The following ADGRG2 variants were observed in gnomAD, a reference collection of about 807,000 sequenced individuals.
ADGRG2 encodes adhesion G protein-coupled receptor G2.
A neutral mutation model predicts 74.1 loss-of-function variants in ADGRG2; 26 were observed. That is an observed-to-expected ratio of 0.35 (90% CI 0.26 to 0.49). ADGRG2 has a LOEUF of 0.49. ADGRG2 is among the 20% of genes least tolerant of loss of function. The pLI, the probability that ADGRG2 is intolerant of heterozygous loss-of-function variation, is 0.99. For synonymous variants in ADGRG2, 296 were observed against 295.2 expected (o/e 1.00, Z -0.03); for missense variants, 619 against 763.1 (o/e 0.81, Z 2.22).
chrX:19,025,375 C>T (rs1014610027), intron 11 of ADGRG2, among the ~76,000 whole-genome samples: 1 of 110,768 alleles, frequency 9.0e-6, no homozygotes, highest in Non-Finnish European at 1.9e-5. Context: ...TTGAAAGCTC[C>T]CAGGTGATTT....
At chrX:19,113,362 A>C (rs766190211) in intron 1 of ADGRG2, among the ~76,000 whole-genome samples, 4 of 111,277 alleles carry the variant, frequency 3.6e-5, no homozygotes, top group African/African-American at 1.3e-4. Flanking sequence ...TATCTCAATC[A>C]ATCAATCAAT....
intron 26 of ADGRG2, among the ~76,000 whole-genome samples, chrX:18,998,118 C>G (rs540251673): frequency 5.4e-5 from 6 of 112,123 alleles, no homozygotes; most frequent in Admixed American, 3.8e-4. Context: ...ACACACAGAG[C>G]CTGCTCTCTT....
At chrX:19,100,379 A>G in intron 1 of ADGRG2, among the ~76,000 whole-genome samples, 1 of 113,505 alleles carries the variant, frequency 8.8e-6, no homozygotes, top group Non-Finnish European at 1.9e-5. Flanking sequence ...TGCTGTTGCA[A>G]TGCAAAAGCA....
chrX:19,098,773 G>A (rs778762697), intron 1 of ADGRG2, among the ~76,000 whole-genome samples: 3 of 112,143 alleles, frequency 2.7e-5, no homozygotes, highest in South Asian at 3.7e-4. Flanking sequence ...CAGGGAGTGA[G>A]CCAGAAGGCA....
At chrX:19,105,032 G>A (rs1260941228) in intron 1 of ADGRG2, among the ~76,000 whole-genome samples, 2 of 106,028 alleles carry the variant, frequency 1.9e-5, no homozygotes, top group African/African-American at 6.9e-5. Context: ...CCAGGAGTTC[G>A]AGACCAGCCT....
chrX:19,009,309 T>C (rs1284439942), intron 18 of ADGRG2, among the ~76,000 whole-genome samples: 1 of 109,822 alleles, frequency 9.1e-6, no homozygotes, highest in African/African-American at 3.3e-5. Flanking sequence ...TCCTGAGTAG[T>C]TGGGATTACA....
intron 1 of ADGRG2, among the ~76,000 whole-genome samples, chrX:19,099,600 T>G (rs1474200290): frequency 8.9e-6 from 1 of 112,401 alleles, no homozygotes; most frequent in African/African-American, 3.2e-5. Flanking sequence ...GAACTTGGGC[T>G]GCTGAGCTTC....
At chrX:19,045,652 C>T (rs1343432690) in intron 3 of ADGRG2, among the ~76,000 whole-genome samples, 5 of 110,070 alleles carry the variant, frequency 4.5e-5, no homozygotes, top group Non-Finnish European at 7.6e-5. Context: ...TCTCATCTGT[C>T]CCTTCTCCCC....
At chrX:19,120,336 G>A (rs187345656) in intron 1 of ADGRG2, among the ~76,000 whole-genome samples, 3 of 112,070 alleles carry the variant, frequency 2.7e-5, no homozygotes, top group Non-Finnish European at 3.8e-5. Flanking sequence ...CCAATCCTTT[G>A]AAAATAACAC....
intron 1 of ADGRG2, among the ~76,000 whole-genome samples, chrX:19,090,697 CTGAA>C (rs765332002): frequency 1.1e-5 from 1 of 94,430 alleles, no homozygotes; most frequent in South Asian, 5.0e-4. Context: ...TTTTTTTCTC[CTGAA>C]TGATGTATTT....
chrX:19,001,298 T>G (rs2060128276), intron 24 of ADGRG2, among the ~76,000 whole-genome samples: 1 of 110,183 alleles, frequency 9.1e-6, no homozygotes, highest in Non-Finnish European at 1.9e-5. Flanking sequence ...GAAAGAATCC[T>G]ATTCACCACT....
chrX:19,075,636 AAAAG>A (rs1340497830), intron 2 of ADGRG2, among the ~76,000 whole-genome samples: 2 of 107,157 alleles, frequency 1.9e-5, no homozygotes, highest in Admixed American at 1.0e-4. Flanking sequence ...AAAAAAAAAA[AAAAG>A]AAAGAAAGAA....
At chrX:19,012,630 CAA>C (rs71924946) in intron 16 of ADGRG2, among the ~76,000 whole-genome samples, 4 of 33,070 alleles carry the variant, frequency 1.2e-4, no homozygotes, top group South Asian at 1.3e-3. Flanking sequence ...CCAAAGCTAC[CAA>C]AAAAAAAAAA....
At chrX:19,032,209 G>A (rs1325103140) in intron 8 of ADGRG2, 1 of 111,664 alleles carries the variant, frequency 9.0e-6, no homozygotes, top group Non-Finnish European at 1.9e-5. Context: ...CTATAGCTAT[G>A]AGTTTTGATT....
intron 3 of ADGRG2, among the ~76,000 whole-genome samples, chrX:19,053,679 C>T (rs1287816838): frequency 1.8e-5 from 2 of 112,295 alleles, no homozygotes; most frequent in Admixed American, 1.9e-4. Context: ...GAAGAATACA[C>T]AGTAAATACT....
intron 1 of ADGRG2, among the ~76,000 whole-genome samples, chrX:19,114,388 G>A: frequency 9.0e-6 from 1 of 111,420 alleles, no homozygotes; most frequent in African/African-American, 3.3e-5. Flanking sequence ...TGGTAGGACT[G>A]CAGGCCATGT....
chrX:18,999,323 G>T (rs752089952), intron 25 of ADGRG2, 44 bp from the exon 26 acceptor site: 3 of 1,035,872 alleles, frequency 2.9e-6, no homozygotes, highest in South Asian at 2.3e-5. Context: ...ACATATTATA[G>T]TAATGAACTA....
intron 1 of ADGRG2, among the ~76,000 whole-genome samples, chrX:19,114,111 G>A (rs1466687955): frequency 9.4e-6 from 1 of 106,386 alleles, no homozygotes; most frequent in Non-Finnish European, 1.9e-5. Context: ...AAAAGTCCCT[G>A]AGAAGACAAA....
chrX:19,101,531 T>C (rs929290366), intron 1 of ADGRG2, among the ~76,000 whole-genome samples: 23 of 109,353 alleles, frequency 2.1e-4, no homozygotes, highest in Non-Finnish European at 3.4e-4. Context: ...TGAAACTCTT[T>C]CTCTACAAAA....
Sources: allele counts gnomAD v4.1 joint callset (sites outside exome capture counted in the v4.1 genomes callset), GRCh38; gene constraint gnomAD v4.1.1; transcripts MANE v1.5; gene names NCBI Gene and HGNC (gene_info 2026-07-23, HGNC 2026-07-21).